The following ZNF536 variants were observed in gnomAD, a reference collection of about 807,000 sequenced individuals.
ZNF536 encodes the protein zinc finger protein 536.
Under a neutral mutation model 84.5 loss-of-function variants are expected in ZNF536, and 13 were observed. The ratio of observed to expected loss-of-function variants is 0.15; its 90% confidence interval spans 0.10 to 0.24. The LOEUF is 0.24. Among genes scored for constraint, ZNF536 ranks in the 10% least tolerant of loss-of-function variants. The probability of loss-of-function intolerance (pLI) is 1.00; values close to 1 mark genes in which losing one functional copy is unlikely to be tolerated. For missense variants in ZNF536, 1,536 were observed against 1,747.5 expected, an observed-to-expected ratio of 0.88 and a Z score of 2.16; for synonymous variants, 811 against 742.5, an observed-to-expected ratio of 1.09 and a Z score of -1.50.
At chr19:30,636,664 A>G (rs2049079500) in intron 1 of ZNF536, among the ~76,000 whole-genome samples, 1 of 152,204 alleles carries the variant, frequency 6.6e-6, no homozygotes, top group Non-Finnish European at 1.5e-5. Context: ...ACTCTGGAAT[A>G]ACGCAGGGTC....
intron 1 of ZNF536, among the ~76,000 whole-genome samples, chr19:30,681,335 G>C (rs1000618971): frequency 6.6e-6 from 1 of 152,176 alleles, no homozygotes; most frequent in Admixed American, 6.5e-5. Flanking sequence ...TGCTAAGTTT[G>C]AGTCAACAGG....
At chr19:30,544,052 G>T (rs561435344) in intron 3 of ZNF536, among the ~76,000 whole-genome samples, 1 of 152,174 alleles carries the variant, frequency 6.6e-6, no homozygotes, top group African/African-American at 2.4e-5. Flanking sequence ...CAATCATTTA[G>T]CGATTACGAG....
Position 30,548,040 on chromosome 19 carries a change from C to G in ZNF536, c.2421C>G (p.Asn807Lys), listed in dbSNP as rs142398595. Residue 807 changes from asparagine to lysine, a missense_variant, in exon 4 of 5, where the codon AAC (asparagine) becomes AAG (lysine). Around this residue, in one of 8 missense-constraint regions of ZNF536, gnomAD observed 148 missense variants for 205.4 expected, o/e 0.72. Transcript: ENST00000355537. ...AGCGACACCATCGGGAGCGGCAGAA[C>G]GGGGCTGGGCCGCTGTCTGGGCAAC... Reference protein sequence around the residue: ...HLERHHRERQNGAGPLSGQPP... With the variant: ...HLERHHRERQKGAGPLSGQPP... The G allele has an allele frequency of 6.2e-7, 1 of 1,613,978 alleles. No homozygotes were observed. The highest frequency in any genetic ancestry group is 2.2e-5 in the East Asian group (1 of 44,874).
chr19:30,285,229 C>A (rs991807021), intron 2 of ZNF536, among the ~76,000 whole-genome samples: 1 of 152,180 alleles, frequency 6.6e-6, no homozygotes, highest in Non-Finnish European at 1.5e-5. Flanking sequence ...GACAGGATTA[C>A]TATTTTTCAA....
chr19:30,432,006 T>TATATATATATATATACAC (rs149223384), intron 1 of ZNF536, among the ~76,000 whole-genome samples: 23 of 146,074 alleles, frequency 1.6e-4, no homozygotes, highest in African/African-American at 5.1e-4. Flanking sequence ...TATATATATA[T>TATATATATATATATACAC]ACACACACAC....
At chr19:30,628,516 C>T (rs1274538586) in intron 1 of ZNF536, among the ~76,000 whole-genome samples, 2 of 151,324 alleles carry the variant, frequency 1.3e-5, no homozygotes, top group African/African-American at 4.9e-5. Flanking sequence ...GCAAGCTCCG[C>T]CCCCCGGGTT....
At chr19:30,541,155 G>A (rs934754403) in intron 3 of ZNF536, among the ~76,000 whole-genome samples, 1 of 152,204 alleles carries the variant, frequency 6.6e-6, no homozygotes, top group Non-Finnish European at 1.5e-5. Flanking sequence ...ATAAACATGG[G>A]TGGAAATGAA....
At chr19:30,253,611 T>G (rs1251807885) in intron 1 of ZNF536, among the ~76,000 whole-genome samples, 1 of 152,212 alleles carries the variant, frequency 6.6e-6, no homozygotes, top group African/African-American at 2.4e-5. Context: ...GGCAGGAGAC[T>G]GTGTCATTCA....
At chr19:30,502,953 T>C (rs1176701859) in intron 2 of ZNF536, among the ~76,000 whole-genome samples, 1 of 152,180 alleles carries the variant, frequency 6.6e-6, no homozygotes, top group African/African-American at 2.4e-5. Context: ...AAAATAGAAG[T>C]ATTTTTATAA....
intron 2 of ZNF536, among the ~76,000 whole-genome samples, chr19:30,480,805 G>A (rs1288299096): frequency 6.6e-6 from 1 of 152,190 alleles, no homozygotes; most frequent in East Asian, 1.9e-4. Context: ...GGAGGCCGAG[G>A]CAGGCAGATC....
In ZNF536 at chr19:30,349,558, G is replaced by A. The variant is rs112951779; in HGVS notation, c.-119-2810G>A. Among the ~76,000 whole-genome samples, 388 of 152,234 alleles carry A rather than the reference G, an allele frequency of 2.5e-3. 2 individuals carry two copies. The highest frequency in any genetic ancestry group is 8.7e-3 in the African/African-American group (360 of 41,546). On this transcript the variant is annotated intron_variant, in intron 2 of 5. Coordinates refer to the ZNF536 transcript ENST00000585628. The stretch of plus-strand genomic sequence containing the variant: ...CCTCAACTCATGGCCAATGAGAAGC[G>A]TTCTTGCTACACACTGGTTCCCTAG...
chr19:30,323,852 CCTGCTCCT>C (rs2046935958), intron 2 of ZNF536, among the ~76,000 whole-genome samples: 1 of 152,184 alleles, frequency 6.6e-6, no homozygotes, highest in African/African-American at 2.4e-5. Flanking sequence ...CTCTATTTGT[CCTGCTCCT>C]CTGCTCAACC....
chr19:30,481,482 C>T (rs567025224), intron 2 of ZNF536, among the ~76,000 whole-genome samples: 5 of 152,222 alleles, frequency 3.3e-5, no homozygotes, highest in African/African-American at 1.2e-4. Context: ...GGAATCCTAC[C>T]TCTCTTTTCT....
intron 2 of ZNF536, among the ~76,000 whole-genome samples, chr19:30,343,571 G>T (rs1040645251): frequency 6.6e-6 from 1 of 152,134 alleles, no homozygotes; most frequent in Non-Finnish European, 1.5e-5. Flanking sequence ...GCTACTAACT[G>T]GTAGTCCCTG....
At chr19:30,292,047 G>A (rs905048112) in intron 2 of ZNF536, among the ~76,000 whole-genome samples, 2 of 152,134 alleles carry the variant, frequency 1.3e-5, no homozygotes, top group Non-Finnish European at 2.9e-5. Flanking sequence ...TGTGTGGCCC[G>A]CAAAGCCTAA....
At chr19:30,319,724 A>G (rs1484500992) in intron 2 of ZNF536, among the ~76,000 whole-genome samples, 2 of 152,240 alleles carry the variant, frequency 1.3e-5, no homozygotes, top group African/African-American at 4.8e-5. Context: ...TTGCATCTCC[A>G]TTTTTGAGAT....
At chr19:30,465,044 C>A (rs2053324335) in intron 2 of ZNF536, among the ~76,000 whole-genome samples, 1 of 152,086 alleles carries the variant, frequency 6.6e-6, no homozygotes, top group Non-Finnish European at 1.5e-5. Flanking sequence ...GTCATTGGAA[C>A]CATATTGTTT....
intron 2 of ZNF536, among the ~76,000 whole-genome samples, chr19:30,333,768 C>T (rs770011311): frequency 6.6e-6 from 1 of 152,170 alleles, no homozygotes; most frequent in African/African-American, 2.4e-5. Context: ...AAAGACAAAC[C>T]ACCCCACAAA....
At chr19:30,241,257 G>A (rs1207195015) in intron 1 of ZNF536, among the ~76,000 whole-genome samples, 1 of 152,232 alleles carries the variant, frequency 6.6e-6, no homozygotes, top group Non-Finnish European at 1.5e-5. Flanking sequence ...CGAGCCTACA[G>A]TGAACAGTGA....
Sources: allele counts gnomAD v4.1 joint callset (sites outside exome capture counted in the v4.1 genomes callset), GRCh38; gene constraint gnomAD v4.1.1; regional missense constraint gnomAD v4.1.1; transcripts MANE v1.5; gene names NCBI Gene and HGNC (gene_info 2026-07-23, HGNC 2026-07-21).